The following WNK1 variants were observed in gnomAD, a reference collection of about 807,000 sequenced individuals.
The protein encoded by WNK1 is serine/threonine-protein kinase WNK1.
A neutral mutation model predicts 222.8 loss-of-function variants in WNK1; 38 were observed. The ratio of observed to expected loss-of-function variants is 0.17; its 90% CI spans 0.13 to 0.22. The LOEUF is 0.22. WNK1 is among the 10% of genes least tolerant of loss of function. The pLI is 1.00. For missense variants in WNK1, 2,348 were observed against 2,918.4 expected (o/e 0.80, Z 4.50); for synonymous variants, 1,090 against 1,092.9 (o/e 1.00, Z 0.05).
Position 880,727 on chromosome 12 carries a change from C to T in WNK1, c.2839C>T (p.Pro947Ser), listed in dbSNP as rs753149891. ...SSGDVLYQGFPPRLPPQYPGD... is the reference protein window; with the variant it reads ...SSGDVLYQGFSPRLPPQYPGD... ...TTCCTCATTTCTGTCACAGGGCTTC[C>T]CACCTCGACTGCCACCACAGTACCC... Residue 947 changes from proline (P) to serine (S), a missense_variant, in exon 12 of 28, where the codon CCA (proline) becomes TCA (serine). Physicochemically the swap from Pro to Ser is moderately conservative, Grantham distance 74 (BLOSUM62 -1). Coordinates refer to ENST00000315939, the MANE Select transcript of WNK1 (RefSeq NM_018979.4). 3 of 1,613,736 alleles carry T rather than the reference C, an allele frequency of 1.9e-6. No homozygotes were observed. In the South Asian group the frequency reaches 3.3e-5, roughly 18 times the overall value.
Position 865,243 on chromosome 12 carries a change from A to G in WNK1, c.2139+2973A>G, listed in dbSNP as rs1271575777. 3 of 1,535,940 alleles carry G rather than the reference A, an allele frequency of 2.0e-6. No homozygotes were observed. The highest frequency in any genetic ancestry group is 2.6e-6 in the Non-Finnish European group (3 of 1,146,884). The stretch of plus-strand genomic sequence containing the variant: ...ACCTCTTTCTCCTTCCCTCCTCCGG[A>G]CTGCCCCGAGGAAACTTTTGCCGAA... On this transcript the variant is annotated intron_variant, in intron 8 of 27. Transcript: ENST00000315939.
intron 1 of WNK1, among the ~76,000 whole-genome samples, chr12:785,913 T>C (rs892926848): frequency 6.6e-6 from 1 of 152,180 alleles, no homozygotes; most frequent in African/African-American, 2.4e-5. Context: ...CAGTATAATC[T>C]GACTGTACTG....
chr12:872,947 G>A (rs181730377), intron 9 of WNK1, among the ~76,000 whole-genome samples: 40 of 152,226 alleles, frequency 2.6e-4, no homozygotes, highest in Non-Finnish European at 2.4e-4. Flanking sequence ...TGAAGGACTG[G>A]GACTTATATG....
chr12:908,861 G>GGGGGGGGGGGGGGGGCCCA lies in WNK1; in HGVS notation c.*69_*70insGGGGGGGGGGGGGGGCCCA. 1 of 491,846 alleles carries GGGGGGGGGGGGGGGGCCCA rather than the reference G, an allele frequency of 2.0e-6. No homozygotes were observed. The highest frequency in any genetic ancestry group is 4.1e-6 in the Non-Finnish European group (1 of 241,770). The allele number at this position is 491,846 out of a possible 1,614,324, so 30.5% of individuals were successfully genotyped here. A position where few individuals can be genotyped will look rare whatever the true frequency, so the allele number is the denominator to read the frequency against. ...ATGCTGAGGGGGTGGGTGGGGGTGG[G>GGGGGGGGGGGGGGGGCCCA]AAGTAGCCTATATACTAACTACTAG... On this transcript the variant is annotated 3_prime_UTR_variant, in exon 28 of 28. Transcript: ENST00000315939.
chr12:850,640 T>C (rs184200208), intron 4 of WNK1, among the ~76,000 whole-genome samples: 3 of 152,372 alleles, frequency 2.0e-5, no homozygotes, highest in East Asian at 1.9e-4. Flanking sequence ...ATGAAGTCCT[T>C]ACCCATGCCT....
chr12:856,631 T>C (rs1438350523), intron 4 of WNK1, among the ~76,000 whole-genome samples: 1 of 152,218 alleles, frequency 6.6e-6, no homozygotes, highest in African/African-American at 2.4e-5. Flanking sequence ...TGTGTTTTAT[T>C]TGTGCAGGAC....
rs563801917 is a variant in WNK1 at position 885,497 on chromosome 12, G to A, written c.4693G>A (p.Gly1565Ser). 1 of 1,614,022 alleles carries A rather than the reference G, an allele frequency of 6.2e-7. No homozygotes were observed. The highest frequency in any genetic ancestry group is 1.7e-5 in the Admixed American group (1 of 60,002). ...AGTGTCTAGTTATATTTCTCAGCCT[G>A]GTGGGCTGCATCCTTTGGTCATTCC... ...AGVSSYISQP[G>S]GLHPLVIPSV... is the part of the protein sequence containing the mutation. The change falls in exon 19 of 28, where the codon GGT becomes AGT. Residue 1565 changes from glycine (G) to serine (S), a missense_variant. Coordinates refer to ENST00000315939, the MANE Select transcript of WNK1 (RefSeq NM_018979.4).
chr12:821,163 A>G (rs1223445450), intron 2 of WNK1, among the ~76,000 whole-genome samples: 2 of 147,862 alleles, frequency 1.4e-5, no homozygotes, highest in African/African-American at 5.0e-5. Context: ...ATACTGATTA[A>G]TTTTCTTATG....
intron 4 of WNK1, among the ~76,000 whole-genome samples, chr12:832,953 C>T: frequency 6.6e-6 from 1 of 152,118 alleles, no homozygotes; most frequent in East Asian, 1.9e-4. Context: ...ATCATCATTC[C>T]CAGTTCATGT....
In WNK1 at chr12:820,368, T is replaced by C. The variant is rs191015417; in HGVS notation, c.932+6554T>C. ...CTTTTCAGATTGTTAATTGCTGGTATATATAAATACAACTGATTTTTGTGT... is the reference window on the plus strand; with the variant it reads ...CTTTTCAGATTGTTAATTGCTGGTACATATAAATACAACTGATTTTTGTGT... On this transcript the variant is annotated intron_variant, in intron 2 of 27. Transcript: ENST00000315939. Among the ~76,000 whole-genome samples the C allele has an allele frequency of 2.0e-5, 3 of 152,264 alleles. No homozygotes were observed. In the East Asian group the frequency reaches 5.8e-4, roughly 29 times the overall value.
chr12:870,512 T>C (rs1490903165), intron 8 of WNK1, among the ~76,000 whole-genome samples: 1 of 152,168 alleles, frequency 6.6e-6, no homozygotes, highest in African/African-American at 2.4e-5. Flanking sequence ...AACATACCTA[T>C]ATATAGTCCT....
chr12:795,446 C>G (rs1186660124), intron 1 of WNK1, among the ~76,000 whole-genome samples: 1 of 151,826 alleles, frequency 6.6e-6, no homozygotes, highest in Non-Finnish European at 1.5e-5. Context: ...TTCCTCCATA[C>G]TGTTCTCATG....
intron 1 of WNK1, among the ~76,000 whole-genome samples, chr12:808,713 G>C (rs933232407): frequency 2.7e-5 from 4 of 150,512 alleles, no homozygotes; most frequent in Non-Finnish European, 5.9e-5. Flanking sequence ...CTAATGAATA[G>C]AACCTATGCA....
At chr12:868,333 A>G (rs1332358841) in intron 8 of WNK1, 2 of 1,613,546 alleles carry the variant, frequency 1.2e-6, no homozygotes, top group Admixed American at 3.3e-5. Flanking sequence ...AGGGCATTCC[A>G]TACAACTCAT....
chr12:788,331 GCTA>G (rs1192172799), intron 1 of WNK1, among the ~76,000 whole-genome samples: 1 of 151,690 alleles, frequency 6.6e-6, no homozygotes, highest in Non-Finnish European at 1.5e-5. Flanking sequence ...TAAAAAAAAA[GCTA>G]CTGTGTGTAA....
chr12:868,688 C>G (rs779146935), intron 8 of WNK1: 1 of 1,613,752 alleles, frequency 6.2e-7, no homozygotes, highest in African/African-American at 1.3e-5. Context: ...TTTACCTCAG[C>G]GTGTTTACCG....
At chr12:904,459 T>C in intron 26 of WNK1, 1 of 1,289,172 alleles carries the variant, frequency 7.8e-7, no homozygotes, top group Non-Finnish European at 1.0e-6. Flanking sequence ...TCAGGGAAGA[T>C]GGTGAAAAAA....
intron 8 of WNK1, 121 bp downstream of exon 8, chr12:862,391 T>A: frequency 8.9e-7 from 1 of 1,119,344 alleles, no homozygotes. Flanking sequence ...TATAAAATGC[T>A]GTGTCTCTAA....
intron 1 of WNK1, among the ~76,000 whole-genome samples, chr12:777,566 A>T (rs1254375563): frequency 6.6e-6 from 1 of 152,324 alleles, no homozygotes; most frequent in East Asian, 1.9e-4. Flanking sequence ...GTCTGCTAGA[A>T]TTTTGAGATA....
Sources: allele counts gnomAD v4.1 joint callset (sites outside exome capture counted in the v4.1 genomes callset), GRCh38; gene constraint gnomAD v4.1.1; transcripts MANE v1.5; gene names NCBI Gene and HGNC (gene_info 2026-07-23, HGNC 2026-07-21).